Variants in ATRNL1 observed in about 807,000 individuals in gnomAD.
The protein encoded by ATRNL1 is attractin-like protein 1.
ATRNL1 carries 95 observed loss-of-function variants against 182.7 expected under a neutral mutation model. The ratio of observed to expected loss-of-function variants is 0.52; its 90% CI spans 0.44 to 0.62. ATRNL1 has a LOEUF of 0.62. Ranked by LOEUF, ATRNL1 falls within the 20% of genes least tolerant of loss-of-function variation. The pLI, the probability that ATRNL1 is intolerant of heterozygous loss-of-function variation, is 0.00. For synonymous variants in ATRNL1, 576 were observed against 568.3 expected (o/e 1.01, Z -0.19); for missense variants, 1,471 against 1,679.5 (o/e 0.88, Z 2.17).
intron 24 of ATRNL1, among the ~76,000 whole-genome samples, chr10:115,511,070 G>T (rs551588515): frequency 2.6e-4 from 40 of 151,994 alleles, no homozygotes; most frequent in African/African-American, 9.6e-4. Context: ...TAATACTTAT[G>T]CAGAGCTGTC....
At chr10:115,116,169 G>A (rs1220795373) in intron 1 of ATRNL1, among the ~76,000 whole-genome samples, 1 of 152,024 alleles carries the variant, frequency 6.6e-6, no homozygotes, top group Non-Finnish European at 1.5e-5. Flanking sequence ...TAGTGTAGTT[G>A]TGTTCCAATA....
intron 26 of ATRNL1, among the ~76,000 whole-genome samples, chr10:115,664,007 C>G (rs1199394536): frequency 2.0e-5 from 3 of 152,154 alleles, no homozygotes; most frequent in South Asian, 2.1e-4. Context: ...TCCCACTTTA[C>G]CTGAGTTTTG....
Position 115,165,547 on chromosome 10 carries a change from C to G in ATRNL1, c.1005-11C>G. On this transcript the variant is annotated splice_polypyrimidine_tract_variant and intron_variant, in intron 6 of 28. Transcript: ENST00000355044. The stretch of plus-strand genomic sequence containing the variant: ...TTAGCTTATGAAGTTATTTTCTTTT[C>G]TTGCTTTTAGTTACAATTTAGAAAG... The G allele has an allele frequency of 1.4e-6, 2 of 1,422,120 alleles. No homozygotes were observed. The highest frequency in any genetic ancestry group is 1.6e-5 in the South Asian group (1 of 61,174). The allele number at this position is 1,422,120 out of a possible 1,614,324, so 88.1% of individuals were successfully genotyped here. A position where few individuals can be genotyped will look rare whatever the true frequency, so the allele number is the denominator to read the frequency against.
At chr10:115,133,721 C>T (rs1047187684) in intron 5 of ATRNL1, among the ~76,000 whole-genome samples, 3 of 152,168 alleles carry the variant, frequency 2.0e-5, no homozygotes, top group East Asian at 1.9e-4. Context: ...CAGAACTCTC[C>T]ACCCCAATTC....
chr10:115,450,593 A>G (rs1377845786), intron 21 of ATRNL1, among the ~76,000 whole-genome samples: 2 of 152,178 alleles, frequency 1.3e-5, no homozygotes, highest in African/African-American at 4.8e-5. Context: ...AAAGATCTCT[A>G]TAATGAGAAT....
intron 28 of ATRNL1, among the ~76,000 whole-genome samples, chr10:115,863,450 A>G (rs1478824564): frequency 6.6e-6 from 1 of 152,218 alleles, no homozygotes; most frequent in East Asian, 1.9e-4. Context: ...TTCTGACACT[A>G]TTTAATGTCC....
At chr10:115,668,397 C>G (rs1388180230) in intron 26 of ATRNL1, among the ~76,000 whole-genome samples, 1 of 152,078 alleles carries the variant, frequency 6.6e-6, no homozygotes, top group Non-Finnish European at 1.5e-5. Flanking sequence ...TCACAATATT[C>G]TATTAATTTT....
chr10:115,388,960 T>A (rs1554953408), intron 19 of ATRNL1, among the ~76,000 whole-genome samples: 1 of 152,148 alleles, frequency 6.6e-6, no homozygotes, highest in Admixed American at 6.6e-5. Flanking sequence ...AATCTACTCT[T>A]AGTAATTTTG....
At chr10:115,559,451 C>CGT (rs1554998546) in intron 26 of ATRNL1, among the ~76,000 whole-genome samples, 57 of 74,044 alleles carry the variant, frequency 7.7e-4, no homozygotes, top group Middle Eastern at 7.4e-3. Flanking sequence ...TGTGCGCGCG[C>CGT]GCACGCACGC....
At chr10:115,097,638 G>A (rs1336775922) in intron 1 of ATRNL1, among the ~76,000 whole-genome samples, 1 of 152,028 alleles carries the variant, frequency 6.6e-6, no homozygotes, top group Non-Finnish European at 1.5e-5. Context: ...AAAAATATAT[G>A]CATATTGCCT....
intron 26 of ATRNL1, among the ~76,000 whole-genome samples, chr10:115,708,418 G>A (rs1235942849): frequency 6.6e-6 from 1 of 151,644 alleles, no homozygotes; most frequent in South Asian, 2.1e-4. Context: ...ACTTTAAAAA[G>A]TGTGATCTTC....
chr10:115,478,722 T>G (rs1848636060), intron 24 of ATRNL1, among the ~76,000 whole-genome samples: 1 of 151,684 alleles, frequency 6.6e-6, no homozygotes, highest in South Asian at 2.1e-4. Context: ...TGTGTATATG[T>G]TTATCTTTTG....
chr10:115,179,344 T>C (rs1283148074), intron 8 of ATRNL1, among the ~76,000 whole-genome samples: 2 of 152,078 alleles, frequency 1.3e-5, no homozygotes, highest in African/African-American at 4.8e-5. Flanking sequence ...CCACCAACTT[T>C]CTCCCTGCTG....
rs577324676 is a variant in ATRNL1 at position 115,852,332 on chromosome 10, A to C, written c.4018+4341A>C. The stretch of plus-strand genomic sequence containing the variant: ...GGGCAGAATGATTAGATTATTTTGA[A>C]TAATCTAGAAATATTACATAATGTT... On this transcript the variant is annotated intron_variant, in intron 28 of 28. Transcript: ENST00000355044. 1.4e-3 allele frequency among the ~76,000 whole-genome samples: 212 copies of C among 152,334 alleles called. 8 individuals are homozygous for C. Among genetic ancestry groups the C allele is most frequent in the Non-Finnish European group, 1.1e-3 (78 of 68,028 alleles).
At chr10:115,320,826 C>G (rs1854544759) in intron 18 of ATRNL1, among the ~76,000 whole-genome samples, 2 of 151,946 alleles carry the variant, frequency 1.3e-5, no homozygotes, top group African/African-American at 4.8e-5. Context: ...CTTCCTTTAG[C>G]TCAGCGTAGT....
intron 13 of ATRNL1, among the ~76,000 whole-genome samples, chr10:115,273,004 G>T (rs1851939850): frequency 6.6e-6 from 1 of 152,176 alleles, no homozygotes; most frequent in Non-Finnish European, 1.5e-5. Flanking sequence ...ATAAATGTCT[G>T]TTTCAGTAAA....
chr10:115,691,006 T>G (rs1946377730), intron 26 of ATRNL1, among the ~76,000 whole-genome samples: 1 of 152,106 alleles, frequency 6.6e-6, no homozygotes, highest in Non-Finnish European at 1.5e-5. Context: ...GCTGGGTACC[T>G]TTTCCTTCTC....
chr10:115,205,738 C>T (rs899098533), intron 8 of ATRNL1, among the ~76,000 whole-genome samples: 8 of 152,032 alleles, frequency 5.3e-5, no homozygotes, highest in Non-Finnish European at 5.9e-5. Flanking sequence ...AACCTTACCT[C>T]ATTACAGGTA....
intron 13 of ATRNL1, among the ~76,000 whole-genome samples, chr10:115,276,705 A>G (rs1464163462): frequency 6.6e-6 from 1 of 152,190 alleles, no homozygotes; most frequent in East Asian, 1.9e-4. Context: ...TACAATTTAC[A>G]TGTCAGTATA....
Sources: allele counts gnomAD v4.1 joint callset (sites outside exome capture counted in the v4.1 genomes callset), GRCh38; gene constraint gnomAD v4.1.1; transcripts MANE v1.5; gene names NCBI Gene and HGNC (gene_info 2026-07-23, HGNC 2026-07-21).